CSMD3: variants seen among roughly 807,000 people sequenced by gnomAD.
CSMD3 encodes CUB and sushi domain-containing protein 3.
CSMD3 carries 177 observed loss-of-function variants against 435.2 expected under a neutral mutation model. The observed-to-expected ratio is 0.41, with a 90% CI of 0.36 to 0.46. The LOEUF (loss-of-function observed/expected upper bound fraction) is 0.46. Among genes scored for constraint, CSMD3 ranks in the 20% least tolerant of loss-of-function variants. The pLI, the probability that CSMD3 is intolerant of heterozygous loss-of-function variation, is 0.34. For missense variants in CSMD3, 4,265 were observed against 4,504.6 expected, an observed-to-expected ratio of 0.95 and a Z score of 1.52; for synonymous variants, 1,656 against 1,520.5, an observed-to-expected ratio of 1.09 and a Z score of -2.07.
intron 6 of CSMD3, among the ~76,000 whole-genome samples, chr8:113,012,535 C>G (rs1023491532): frequency 6.6e-6 from 1 of 151,920 alleles, no homozygotes; most frequent in African/African-American, 2.4e-5. Flanking sequence ...CCATGCTGTT[C>G]TGTTGATAGT....
chr8:113,136,181 A>T (rs2091414104), intron 4 of CSMD3, among the ~76,000 whole-genome samples: 1 of 151,784 alleles, frequency 6.6e-6, no homozygotes, highest in South Asian at 2.1e-4. Context: ...AGTGCTTGTG[A>T]CAGAAAATAC....
chr8:113,406,326 A>G (rs1241904978), intron 1 of CSMD3, among the ~76,000 whole-genome samples: 1 of 151,894 alleles, frequency 6.6e-6, no homozygotes, highest in Non-Finnish European at 1.5e-5. Context: ...CATGAGAGGT[A>G]ACACTAATTT....
At chr8:112,756,767 T>C (rs2077708906) in intron 13 of CSMD3, among the ~76,000 whole-genome samples, 1 of 139,314 alleles carries the variant, frequency 7.2e-6, no homozygotes. Context: ...AATTATGTAT[T>C]AATTTTTTTT....
At chr8:113,198,343 A>G (rs1284440381) in intron 3 of CSMD3, among the ~76,000 whole-genome samples, 2 of 151,284 alleles carry the variant, frequency 1.3e-5, no homozygotes, top group African/African-American at 4.8e-5. Context: ...TATACATACT[A>G]TATATGTGAT....
chr8:112,537,479 A>C (rs982924959), intron 27 of CSMD3, among the ~76,000 whole-genome samples: 10 of 151,890 alleles, frequency 6.6e-5, no homozygotes, highest in Non-Finnish European at 1.5e-4. Context: ...TAAATTAACA[A>C]TTTTTTCTTA....
intron 22 of CSMD3, among the ~76,000 whole-genome samples, chr8:112,626,383 C>G (rs1313331068): frequency 1.3e-5 from 2 of 151,992 alleles, no homozygotes; most frequent in Non-Finnish European, 2.9e-5. Flanking sequence ...CCTATCTTAG[C>G]TAAGTGCATT....
intron 6 of CSMD3, among the ~76,000 whole-genome samples, chr8:113,009,466 C>CTT (rs2131116796): frequency 6.6e-6 from 1 of 151,904 alleles, no homozygotes; most frequent in East Asian, 1.9e-4. Flanking sequence ...CTATTTCACT[C>CTT]TGTTTTCCAA....
At chr8:112,242,016 A>G (rs1814219014) in intron 65 of CSMD3, among the ~76,000 whole-genome samples, 1 of 152,112 alleles carries the variant, frequency 6.6e-6, no homozygotes, top group African/African-American at 2.4e-5. Flanking sequence ...ATTACAGTCT[A>G]TTGGCACAAG....
At chr8:112,715,100 CA>C (rs1300132878) in intron 13 of CSMD3, among the ~76,000 whole-genome samples, 2 of 151,644 alleles carry the variant, frequency 1.3e-5, no homozygotes, top group African/African-American at 2.4e-5. Flanking sequence ...GATAGAGGCA[CA>C]AAAAACCCTT....
intron 39 of CSMD3, 43 bp from the exon 40 acceptor site, chr8:112,351,287 A>C: frequency 7.6e-7 from 1 of 1,316,792 alleles, no homozygotes; most frequent in Non-Finnish European, 1.1e-6. Flanking sequence ...ATACATAAAA[A>C]GTTTAAATTT....
intron 1 of CSMD3, among the ~76,000 whole-genome samples, chr8:113,354,868 G>A (rs2094211501): frequency 6.6e-6 from 1 of 151,890 alleles, no homozygotes; most frequent in South Asian, 2.1e-4. Flanking sequence ...TGAACTCCTG[G>A]GCCCAAGCAC....
chr8:112,483,269 T>C (rs1280266599), intron 31 of CSMD3, among the ~76,000 whole-genome samples: 1 of 152,066 alleles, frequency 6.6e-6, no homozygotes, highest in Non-Finnish European at 1.5e-5. Context: ...GTCCAGTGGA[T>C]CACTTGAGGT....
intron 10 of CSMD3, among the ~76,000 whole-genome samples, chr8:112,883,997 T>G (rs1432163507): frequency 2.0e-5 from 3 of 152,022 alleles, no homozygotes; most frequent in African/African-American, 7.2e-5. Context: ...GAGCCCTTGG[T>G]TAAATCTGTC....
chr8:112,858,157 G>C (rs2080720153), intron 11 of CSMD3, among the ~76,000 whole-genome samples: 1 of 151,498 alleles, frequency 6.6e-6, no homozygotes, highest in African/African-American at 2.4e-5. Flanking sequence ...AAATTCCCGG[G>C]AGGCAATATA....
In CSMD3 at chr8:112,451,657, GC is replaced by G. The variant is rs562500780; in HGVS notation, c.5395+20933del. Among the ~76,000 whole-genome samples, 294 of 152,034 alleles carry G rather than the reference GC, an allele frequency of 1.9e-3. 1 individual carries two copies. The highest frequency in any genetic ancestry group is 6.6e-3 in the African/African-American group (274 of 41,500). On this transcript the variant is annotated intron_variant, in intron 32 of 70. Transcript: ENST00000297405. ...GGGTTCAAGCGATTGTCCTGCCTCA[GC>G]CTCCCAAGTACCTGGGATTACACGC...
chr8:113,082,753 C>G (rs2089615127), intron 5 of CSMD3, among the ~76,000 whole-genome samples: 1 of 151,926 alleles, frequency 6.6e-6, no homozygotes, highest in Non-Finnish European at 1.5e-5. Flanking sequence ...ACAGAGATAT[C>G]ATGTAAAGGA....
chr8:112,945,367 A>T lies in CSMD3; in HGVS notation c.1508+2423T>A, dbSNP rs980584841. Among the ~76,000 whole-genome samples, 14 of 151,896 alleles carry T rather than the reference A, an allele frequency of 9.2e-5. No homozygotes were observed. In the South Asian group the frequency reaches 2.9e-3, roughly 31 times the overall value. On this transcript the variant is annotated intron_variant, in intron 9 of 70. Transcript: ENST00000297405. ...TCACTGAGCTAAAATAGAAAGCATGATCTACTGAATATATAAATTGGATCA... is the reference window on the plus strand; with the variant it reads ...TCACTGAGCTAAAATAGAAAGCATGTTCTACTGAATATATAAATTGGATCA...
chr8:112,932,545 G>A (rs572254438), intron 9 of CSMD3, among the ~76,000 whole-genome samples: 1 of 152,178 alleles, frequency 6.6e-6, no homozygotes, highest in African/African-American at 2.4e-5. Flanking sequence ...GGCTGAGGCA[G>A]AAGAATGGCA....
chr8:112,931,693 A>G (rs1412108574), intron 9 of CSMD3, among the ~76,000 whole-genome samples: 1 of 152,082 alleles, frequency 6.6e-6, no homozygotes, highest in Non-Finnish European at 1.5e-5. Flanking sequence ...TTTACAAATT[A>G]CTCCTCTGAC....
Sources: allele counts gnomAD v4.1 joint callset (sites outside exome capture counted in the v4.1 genomes callset), GRCh38; gene constraint gnomAD v4.1.1; transcripts MANE v1.5; gene names NCBI Gene and HGNC (gene_info 2026-07-23, HGNC 2026-07-21).